Variants in TPX2 observed in about 807,000 individuals in gnomAD.
TPX2 encodes the protein TPX2 microtubule nucleation factor.
TPX2 carries 21 observed loss-of-function variants against 93.6 expected under a neutral mutation model. That is an observed-to-expected ratio of 0.22 (90% CI 0.16 to 0.32). The LOEUF is 0.32. TPX2 is among the 10% of genes least tolerant of loss of function. The probability of loss-of-function intolerance (pLI) is 1.00; values close to 1 mark genes in which losing one functional copy is unlikely to be tolerated. For missense variants in TPX2, 776 were observed against 871.1 expected (o/e 0.89, Z 1.37); for synonymous variants, 281 against 298.3 (o/e 0.94, Z 0.60).
At chr20:31,780,133 C>T (rs763706591) in intron 10 of TPX2, among the ~76,000 whole-genome samples, 24 of 152,032 alleles carry the variant, frequency 1.6e-4, no homozygotes, top group Non-Finnish European at 3.1e-4. Flanking sequence ...CTCACTGCAA[C>T]GTCCACCTCT....
chr20:31,770,813 G>A (rs2061960640), intron 6 of TPX2, among the ~76,000 whole-genome samples: 1 of 151,700 alleles, frequency 6.6e-6, no homozygotes, highest in Non-Finnish European at 1.5e-5. Context: ...TTCAACTGGA[G>A]TGGTTTAAAG....
chr20:31,788,924 T>A (rs921716882), intron 12 of TPX2, among the ~76,000 whole-genome samples: 39 of 152,188 alleles, frequency 2.6e-4, no homozygotes, highest in African/African-American at 9.4e-4. Context: ...AGTAGTTTCC[T>A]AACTGCCCTG....
At chr20:31,800,091 A>G (rs1359944604) in intron 17 of TPX2, among the ~76,000 whole-genome samples, 1 of 152,128 alleles carries the variant, frequency 6.6e-6, no homozygotes, top group Non-Finnish European at 1.5e-5. Context: ...TATTTTAAAT[A>G]AATAAATAAA....
At chr20:31,744,835 C>G (rs1320843912) in intron 2 of TPX2, among the ~76,000 whole-genome samples, 1 of 152,180 alleles carries the variant, frequency 6.6e-6, no homozygotes, top group Non-Finnish European at 1.5e-5. Context: ...CCTGTAATCC[C>G]AGCACTCTGA....
rs750158396 is a variant in TPX2 at position 31,793,891 on chromosome 20, A to G, written c.1553A>G (p.His518Arg). ...PVVIKAQPVP[H>R]YGVPFKPQIP... is the part of the protein sequence containing the mutation. ...GTGATAAAAGCTCAACCTGTGCCAC[A>G]TTATGGGGTGCCTTTTAAGCCCCAA... Residue 518 changes from histidine to arginine, a missense_variant, in exon 14 of 18, where the codon CAT (histidine) becomes CGT (arginine). Coordinates refer to ENST00000300403, the MANE Select transcript of TPX2 (RefSeq NM_012112.5). The G allele has an allele frequency of 1.2e-6, 2 of 1,613,400 alleles. No individual in the cohort carries two copies. Among genetic ancestry groups the G allele is most frequent in the Non-Finnish European group, 8.5e-7 (1 of 1,179,732 alleles).
At chr20:31,781,273 T>C (rs2062031851) in intron 10 of TPX2, among the ~76,000 whole-genome samples, 1 of 148,728 alleles carries the variant, frequency 6.7e-6, no homozygotes, top group Non-Finnish European at 1.5e-5. Flanking sequence ...TTTTTTTTTT[T>C]TGAGACAGAG....
At chr20:31,753,848 A>G (rs560337742) in intron 2 of TPX2, among the ~76,000 whole-genome samples, 374 of 152,258 alleles carry the variant, frequency 2.5e-3, no homozygotes, top group Admixed American at 5.2e-3. Context: ...CAACATGGTG[A>G]AACCCCATCT....
chr20:31,761,021 A>G (rs967348157), intron 4 of TPX2, among the ~76,000 whole-genome samples: 2 of 152,152 alleles, frequency 1.3e-5, no homozygotes, highest in East Asian at 3.8e-4. Context: ...CTCACACATC[A>G]TATGATTCAC....
intron 4 of TPX2, among the ~76,000 whole-genome samples, chr20:31,762,430 A>C (rs1288219749): frequency 6.6e-6 from 1 of 151,894 alleles, no homozygotes; most frequent in Admixed American, 6.6e-5. Context: ...GCTCACTGCA[A>C]CCTCCGCCTC....
intron 7 of TPX2, among the ~76,000 whole-genome samples, chr20:31,773,905 CTTG>C (rs1326195344): frequency 6.7e-6 from 1 of 150,080 alleles, no homozygotes; most frequent in Non-Finnish European, 1.5e-5. Context: ...GAGTTTCTCT[CTTG>C]TTGTTCAGGC....
intron 17 of TPX2, 95 bp downstream of exon 17, chr20:31,798,647 G>A (rs919076642): frequency 7.2e-6 from 10 of 1,393,602 alleles, no homozygotes; most frequent in African/African-American, 1.5e-5. Context: ...AAGGTAGCCC[G>A]CAAGGCTGTA....
intron 2 of TPX2, among the ~76,000 whole-genome samples, chr20:31,753,217 C>T (rs918757302): frequency 2.0e-5 from 3 of 152,102 alleles, no homozygotes; most frequent in Non-Finnish European, 4.4e-5. Flanking sequence ...TTCTTTAATT[C>T]ACAAGGTAAG....
At chr20:31,780,299 G>C (rs62204652) in intron 10 of TPX2, among the ~76,000 whole-genome samples, 60 of 152,182 alleles carry the variant, frequency 3.9e-4, no homozygotes, top group African/African-American at 1.4e-3. Flanking sequence ...TGATCCGCCC[G>C]CCTCAACCTC....
At position 31,766,679 on chromosome 20, in the gene TPX2, A is replaced by G. The variant is rs549580722; in HGVS notation, c.353A>G (p.Gln118Arg). The G allele has an allele frequency of 6.2e-7, 1 of 1,612,716 alleles. No individual in the cohort carries two copies. Among genetic ancestry groups the G allele is most frequent in the African/African-American group, 1.3e-5 (1 of 74,902 alleles). Residue 118 changes from glutamine (Q) to arginine (R), a missense_variant, in exon 5 of 18, where the codon CAG (glutamine) becomes CGG (arginine). Physicochemically the swap from Gln to Arg is conservative, Grantham distance 43. Coordinates refer to ENST00000300403, the MANE Select transcript of TPX2 (RefSeq NM_012112.5). ...TCAAGAAAAACTCCAGCCCAGCCTC[A>G]GAGGTAAGACTTTGGAATCTCAAAG... ...AISRKTPAQP[Q>R]RRSLRLSAQK...
chr20:31,781,426 C>T (rs948915517), intron 10 of TPX2, among the ~76,000 whole-genome samples: 11 of 151,470 alleles, frequency 7.3e-5, no homozygotes, highest in East Asian at 2.0e-4. Context: ...CCACCACGCC[C>T]GGTTAATTTT....
intron 2 of TPX2, among the ~76,000 whole-genome samples, chr20:31,749,288 C>T (rs1266643523): frequency 1.3e-5 from 2 of 152,156 alleles, no homozygotes; most frequent in Admixed American, 1.3e-4. Context: ...ATAAGAACAC[C>T]ACCTTCGGTG....
intron 2 of TPX2, among the ~76,000 whole-genome samples, chr20:31,744,200 C>T (rs1163030996): frequency 1.6e-4 from 19 of 117,364 alleles, no homozygotes; most frequent in African/African-American, 6.5e-4. Context: ...CTCACTCTGT[C>T]GCCCGGGTTG....
intron 4 of TPX2, among the ~76,000 whole-genome samples, chr20:31,763,801 C>A (rs1189141701): frequency 6.7e-6 from 1 of 149,512 alleles, no homozygotes; most frequent in Non-Finnish European, 1.5e-5. Flanking sequence ...GGGCGGATCA[C>A]AAGGTCAGGA....
chr20:31,791,259 G>A (rs560402394), intron 12 of TPX2, among the ~76,000 whole-genome samples: 3 of 152,258 alleles, frequency 2.0e-5, no homozygotes, highest in African/African-American at 7.2e-5. Flanking sequence ...TGCTGTTGTA[G>A]GTAAGCAATA....
Sources: allele counts gnomAD v4.1 joint callset (sites outside exome capture counted in the v4.1 genomes callset), GRCh38; gene constraint gnomAD v4.1.1; transcripts MANE v1.5; gene names NCBI Gene and HGNC (gene_info 2026-07-23, HGNC 2026-07-21).